SORL1: variants seen among roughly 807,000 people sequenced by gnomAD.
SORL1 encodes the protein sortilin related receptor 1, also known as sortilin-related receptor.
Under a neutral mutation model 273.7 loss-of-function variants are expected in SORL1, and 127 were observed. The observed-to-expected ratio is 0.46, with a 90% CI of 0.40 to 0.54. The LOEUF is 0.54. Among genes scored for constraint, SORL1 ranks in the 20% least tolerant of loss-of-function variants. The probability of loss-of-function intolerance (pLI) is 0.00; values close to 1 mark genes in which losing one functional copy is unlikely to be tolerated. For synonymous variants in SORL1, 1,031 were observed against 1,067.4 expected, an observed-to-expected ratio of 0.97 and a Z score of 0.66; for missense variants, 2,494 against 2,846.1, an observed-to-expected ratio of 0.88 and a Z score of 2.81.
chr11:121,531,257 G>A (rs1461716527), intron 11 of SORL1, among the ~76,000 whole-genome samples: 2 of 152,182 alleles, frequency 1.3e-5, no homozygotes, highest in Non-Finnish European at 2.9e-5. Flanking sequence ...AGCTGGGCGT[G>A]GTGGTGCATG....
chr11:121,478,263 T>G lies in SORL1; in HGVS notation c.528+20T>G. 6.2e-7 allele frequency: 1 copy of G among 1,611,340 alleles called. No homozygotes were observed. The highest frequency in any genetic ancestry group is 8.5e-7 in the Non-Finnish European group (1 of 1,178,704). On this transcript the variant is annotated intron_variant, in intron 3 of 47. Transcript: ENST00000260197. ...AAGCGGGTAAGGAAGTGGCCATCCCTCCTGTCCCGACTTCATGGGACTGGG... is the reference window on the plus strand; with the variant it reads ...AAGCGGGTAAGGAAGTGGCCATCCCGCCTGTCCCGACTTCATGGGACTGGG...
At chr11:121,590,474 T>G in intron 30 of SORL1, 1 of 493,590 alleles carries the variant, frequency 2.0e-6, no homozygotes, top group East Asian at 3.7e-5. Flanking sequence ...GTTAGAAATG[T>G]AGAATCTCTG....
chr11:121,607,043 G>A, intron 36 of SORL1, 86 bp downstream of exon 36: 2 of 1,161,074 alleles, frequency 1.7e-6, no homozygotes, highest in South Asian at 1.3e-5. Flanking sequence ...GGGTTGATTT[G>A]GTTTAGCTTT....
At chr11:121,456,944 G>T (rs1860915854) in intron 1 of SORL1, among the ~76,000 whole-genome samples, 1 of 152,218 alleles carries the variant, frequency 6.6e-6, no homozygotes, top group Admixed American at 6.5e-5. Flanking sequence ...GAATTGGCTG[G>T]TTGATTCTGA....
chr11:121,466,955 AAAG>A (rs951776058), intron 1 of SORL1, among the ~76,000 whole-genome samples: 44 of 152,298 alleles, frequency 2.9e-4, no homozygotes, highest in African/African-American at 8.9e-4. Flanking sequence ...TCCTTAAAAA[AAAG>A]AAGAGAAAGA....
intron 14 of SORL1, among the ~76,000 whole-genome samples, chr11:121,547,962 C>G (rs993450727): frequency 6.6e-6 from 1 of 152,126 alleles, no homozygotes; most frequent in Non-Finnish European, 1.5e-5. Flanking sequence ...ACTGGGAAGC[C>G]CAGCTATTGG....
At chr11:121,544,419 T>G (rs538869301) in intron 13 of SORL1, among the ~76,000 whole-genome samples, 5 of 152,220 alleles carry the variant, frequency 3.3e-5, no homozygotes, top group Non-Finnish European at 7.4e-5. Context: ...ATGCATAACT[T>G]TGTGTCTGTC....
intron 6 of SORL1, among the ~76,000 whole-genome samples, chr11:121,509,069 C>T (rs970578338): frequency 6.6e-6 from 1 of 152,118 alleles, no homozygotes; most frequent in Non-Finnish European, 1.5e-5. Context: ...TTTTTTTCCC[C>T]CTGGAATATC....
At chr11:121,621,406 A>G (rs1863722032) in intron 44 of SORL1, among the ~76,000 whole-genome samples, 168 bp downstream of exon 44, 1 of 152,180 alleles carries the variant, frequency 6.6e-6, no homozygotes, top group South Asian at 2.1e-4. Context: ...CCAGGGTCTG[A>G]GCCGTGGCGT....
intron 5 of SORL1, among the ~76,000 whole-genome samples, chr11:121,496,203 C>T (rs142406130): frequency 3.3e-4 from 50 of 152,286 alleles, no homozygotes; most frequent in Admixed American, 2.4e-3. Flanking sequence ...GATCAGAGTG[C>T]GTGCAGAGGG....
At chr11:121,527,226 G>A (rs1344905517) in intron 11 of SORL1, among the ~76,000 whole-genome samples, 2 of 151,612 alleles carry the variant, frequency 1.3e-5, no homozygotes, top group East Asian at 3.9e-4. Flanking sequence ...TCAGATACTG[G>A]ATTTTGTGAA....
chr11:121,528,014 A>T (rs572797246), intron 11 of SORL1, among the ~76,000 whole-genome samples: 2 of 151,230 alleles, frequency 1.3e-5, no homozygotes, highest in Non-Finnish European at 3.0e-5. Flanking sequence ...TTTGTAGCTT[A>T]TTAAGATATA....
intron 32 of SORL1, among the ~76,000 whole-genome samples, chr11:121,598,705 T>C (rs1863338907): frequency 6.6e-6 from 1 of 152,228 alleles, no homozygotes; most frequent in South Asian, 2.1e-4. Flanking sequence ...ATTCTAGGCC[T>C]TGATGTGCTC....
chr11:121,457,274 A>G (rs997963301), intron 1 of SORL1, among the ~76,000 whole-genome samples: 1 of 152,196 alleles, frequency 6.6e-6, no homozygotes, highest in African/African-American at 2.4e-5. Flanking sequence ...GGGATGAAAT[A>G]AAAAGCTGTC....
At chr11:121,458,749 G>T (rs1303104415) in intron 1 of SORL1, among the ~76,000 whole-genome samples, 1 of 152,254 alleles carries the variant, frequency 6.6e-6, no homozygotes, top group Non-Finnish European at 1.5e-5. Flanking sequence ...AAGCGCTGAA[G>T]TGGCTGATGA....
At chr11:121,516,256 T>A (rs1006556167) in intron 8 of SORL1, among the ~76,000 whole-genome samples, 11 of 152,182 alleles carry the variant, frequency 7.2e-5, no homozygotes, top group African/African-American at 2.7e-4. Flanking sequence ...GGATGTTGGC[T>A]GGACCCAGGG....
intron 6 of SORL1, among the ~76,000 whole-genome samples, chr11:121,507,264 C>G (rs937503605): frequency 1.3e-5 from 2 of 152,100 alleles, no homozygotes; most frequent in African/African-American, 4.8e-5. Flanking sequence ...GGGTATGGGT[C>G]TCTGAGTTTA....
At chr11:121,471,821 G>A (rs976539514) in intron 2 of SORL1, among the ~76,000 whole-genome samples, 2 of 152,176 alleles carry the variant, frequency 1.3e-5, no homozygotes, top group Non-Finnish European at 2.9e-5. Flanking sequence ...GCCCGGGGTG[G>A]GTTCTGAGCC....
chr11:121,594,243 C>T (rs915063232), intron 31 of SORL1, among the ~76,000 whole-genome samples: 2 of 152,040 alleles, frequency 1.3e-5, no homozygotes, highest in African/African-American at 2.4e-5. Flanking sequence ...TCCAACATAG[C>T]GGACACTTGC....
Sources: allele counts gnomAD v4.1 joint callset (sites outside exome capture counted in the v4.1 genomes callset), GRCh38; gene constraint gnomAD v4.1.1; transcripts MANE v1.5; gene names NCBI Gene and HGNC (gene_info 2026-07-23, HGNC 2026-07-21).